ROBO2: variants seen among roughly 807,000 people sequenced by gnomAD.
ROBO2 encodes roundabout guidance receptor 2, also known as roundabout homolog 2.
ROBO2 carries 53 observed loss-of-function variants against 160.8 expected under a neutral mutation model. That is an observed-to-expected ratio of 0.33 (90% confidence interval 0.26 to 0.41). The LOEUF (loss-of-function observed/expected upper bound fraction) is 0.41. Among genes scored for constraint, ROBO2 ranks in the 10% least tolerant of loss-of-function variants. The pLI, the probability that ROBO2 is intolerant of heterozygous loss-of-function variation, is 1.00. For missense variants in ROBO2, 1,577 were observed against 1,722.4 expected, an observed-to-expected ratio of 0.92 and a Z score of 1.49; for synonymous variants, 664 against 611.7, an observed-to-expected ratio of 1.09 and a Z score of -1.26.
intron 2 of ROBO2, among the ~76,000 whole-genome samples, chr3:76,558,280 A>G (rs1194135589): frequency 3.3e-5 from 5 of 152,174 alleles, no homozygotes; most frequent in African/African-American, 1.2e-4. Context: ...AGAATAAAAG[A>G]ATATAATTTA....
chr3:76,494,918 A>G (rs1204890157), intron 2 of ROBO2, among the ~76,000 whole-genome samples: 6 of 152,224 alleles, frequency 3.9e-5, no homozygotes, highest in Admixed American at 2.6e-4. Context: ...GCAACTGCTT[A>G]ATGGGTACAG....
chr3:76,173,153 C>A (rs928880990), intron 2 of ROBO2, among the ~76,000 whole-genome samples: 1 of 151,368 alleles, frequency 6.6e-6, no homozygotes, highest in Non-Finnish European at 1.5e-5. Context: ...ATACAAAATT[C>A]TTTGAATCCA....
intron 2 of ROBO2, among the ~76,000 whole-genome samples, chr3:75,951,635 C>T (rs1948539248): frequency 6.6e-6 from 1 of 151,986 alleles, no homozygotes; most frequent in Non-Finnish European, 1.5e-5. Flanking sequence ...GAATGCCATG[C>T]ATGAAAATGC....
intron 2 of ROBO2, among the ~76,000 whole-genome samples, chr3:76,811,587 C>T (rs144099367): frequency 2.3e-3 from 351 of 152,214 alleles, no homozygotes; most frequent in African/African-American, 8.1e-3. Flanking sequence ...TTTGGTGAAT[C>T]ATCACCCTGT....
At chr3:77,299,077 C>G (rs767698958) in intron 2 of ROBO2, among the ~76,000 whole-genome samples, 12 of 151,796 alleles carry the variant, frequency 7.9e-5, no homozygotes, top group African/African-American at 2.2e-4. Flanking sequence ...TGATGAGGAA[C>G]AGGAAGAAAG....
chr3:77,034,234 G>C (rs1274105973), intron 2 of ROBO2, among the ~76,000 whole-genome samples: 1 of 151,378 alleles, frequency 6.6e-6, no homozygotes, highest in Non-Finnish European at 1.5e-5. Flanking sequence ...TATAAACTTG[G>C]GCCAGGGAGA....
At chr3:77,084,167 C>G (rs1400058274) in intron 1 of ROBO2, among the ~76,000 whole-genome samples, 1 of 151,524 alleles carries the variant, frequency 6.6e-6, no homozygotes, top group African/African-American at 2.4e-5. Flanking sequence ...CAAAAGTAAC[C>G]AGTAATAATG....
At chr3:76,041,236 A>C (rs2067263149) in intron 2 of ROBO2, among the ~76,000 whole-genome samples, 1 of 152,058 alleles carries the variant, frequency 6.6e-6, no homozygotes, top group Non-Finnish European at 1.5e-5. Flanking sequence ...TCTAAATCTT[A>C]CTGCTGAGGA....
chr3:77,210,737 C>A (rs1041209152), intron 2 of ROBO2, among the ~76,000 whole-genome samples: 1 of 151,842 alleles, frequency 6.6e-6, no homozygotes, highest in Admixed American at 6.6e-5. Context: ...ATCCCTCCCC[C>A]TTCCCCCCAC....
Position 77,004,110 on chromosome 3 carries a change from T to C in ROBO2, c.110-93904T>C, listed in dbSNP as rs191221325. ...CTTAAAGTCTTATCTGAATCAAAGA[T>C]AATTAACTTTTAGTGCCTTTATAAT... On this transcript the variant is annotated intron_variant, in intron 2 of 26. Coordinates refer to the ROBO2 transcript ENST00000487694. Among the ~76,000 whole-genome samples the C allele has an allele frequency of 2.8e-4, 43 of 152,334 alleles. No homozygotes were observed. The East Asian group carries it at 7.5e-3, about 27-fold the overall frequency.
chr3:76,134,980 T>C (rs2071376127), intron 2 of ROBO2, among the ~76,000 whole-genome samples: 2 of 152,122 alleles, frequency 1.3e-5, no homozygotes, highest in African/African-American at 4.8e-5. Flanking sequence ...TTTTCAGCAA[T>C]GCCACAGTCA....
chr3:76,268,247 G>A (rs942083106), intron 2 of ROBO2, among the ~76,000 whole-genome samples: 1 of 151,902 alleles, frequency 6.6e-6, no homozygotes, highest in Non-Finnish European at 1.5e-5. Context: ...CCCATCCTGG[G>A]CAGCAGAGCA....
At chr3:76,718,317 C>T (rs2093414137) in intron 2 of ROBO2, among the ~76,000 whole-genome samples, 1 of 152,186 alleles carries the variant, frequency 6.6e-6, no homozygotes, top group Admixed American at 6.5e-5. Flanking sequence ...AATGCTAGCA[C>T]AGATAATAAA....
intron 2 of ROBO2, among the ~76,000 whole-genome samples, chr3:76,440,943 T>C (rs2076899078): frequency 6.6e-6 from 1 of 152,294 alleles, no homozygotes; most frequent in South Asian, 2.1e-4. Context: ...ATCCCATCTC[T>C]AGCCTAACTC....
At chr3:77,463,702 T>G (rs1238631817) in intron 2 of ROBO2, among the ~76,000 whole-genome samples, 1 of 151,872 alleles carries the variant, frequency 6.6e-6, no homozygotes, top group African/African-American at 2.4e-5. Flanking sequence ...CACCTCAGCC[T>G]CCAAAGTAGC....
intron 2 of ROBO2, among the ~76,000 whole-genome samples, chr3:76,819,210 A>G (rs1011217656): frequency 1.3e-5 from 2 of 152,096 alleles, no homozygotes; most frequent in Non-Finnish European, 1.5e-5. Flanking sequence ...ACCTAATCTA[A>G]TCATGGGTCA....
intron 2 of ROBO2, among the ~76,000 whole-genome samples, chr3:76,657,003 G>A (rs1352689069): frequency 1.3e-5 from 2 of 152,084 alleles, no homozygotes; most frequent in African/African-American, 4.8e-5. Flanking sequence ...TGCTAATCAA[G>A]TCTCTAAGCA....
chr3:76,218,960 CAG>C (rs547365216), intron 2 of ROBO2, among the ~76,000 whole-genome samples: 339 of 152,298 alleles, frequency 2.2e-3, no homozygotes, highest in African/African-American at 7.8e-3. Context: ...GGTACCAAAA[CAG>C]AGATATAGAT....
chr3:77,546,166 G>A (rs1414815861), intron 6 of ROBO2, among the ~76,000 whole-genome samples, 172 bp from the exon 8 acceptor site: 5 of 152,058 alleles, frequency 3.3e-5, no homozygotes, highest in Non-Finnish European at 7.4e-5. Context: ...CCTCACATTG[G>A]ATTGAATATA....
Sources: gnomAD v4.1 joint callset for allele counts (sites outside exome capture counted in the v4.1 genomes callset) on GRCh38, gnomAD v4.1.1 for gene constraint, MANE v1.5 for transcripts, NCBI Gene and HGNC (gene_info 2026-07-23, HGNC 2026-07-21) for gene names.